Variants in FAT3 observed in about 807,000 individuals in gnomAD.
FAT3 encodes protocadherin Fat 3.
FAT3 carries 95 observed loss-of-function variants against 310.2 expected under a neutral mutation model. The ratio of observed to expected loss-of-function variants is 0.31; its 90% CI spans 0.26 to 0.36. The LOEUF is 0.36. FAT3 is among the 10% of genes least tolerant of loss of function. The pLI is 1.00. For missense variants in FAT3, 5,408 were observed against 5,715.6 expected, an observed-to-expected ratio of 0.95 and a Z score of 1.74; for synonymous variants, 2,314 against 2,192.9, an observed-to-expected ratio of 1.06 and a Z score of -1.54.
intron 3 of FAT3, among the ~76,000 whole-genome samples, chr11:92,561,011 C>G (rs1276169255): frequency 4.6e-5 from 7 of 152,148 alleles, no homozygotes; most frequent in Admixed American, 3.9e-4. Flanking sequence ...ATGTGGTACT[C>G]TCTTATATTA....
At chr11:92,391,611 T>C (rs1338270171) in intron 2 of FAT3, among the ~76,000 whole-genome samples, 1 of 152,170 alleles carries the variant, frequency 6.6e-6, no homozygotes, top group Non-Finnish European at 1.5e-5. Flanking sequence ...TGTGGGTCCT[T>C]ATTATTTGTA....
intron 1 of FAT3, among the ~76,000 whole-genome samples, chr11:92,262,809 T>G (rs1865612465): frequency 6.6e-6 from 1 of 152,086 alleles, no homozygotes; most frequent in African/African-American, 2.4e-5. Flanking sequence ...GTGTCTGAAT[T>G]TACAACACTT....
intron 2 of FAT3, among the ~76,000 whole-genome samples, chr11:92,495,634 A>G (rs1341241592): frequency 1.3e-5 from 2 of 152,022 alleles, no homozygotes; most frequent in African/African-American, 4.8e-5. Flanking sequence ...TCATTGACAC[A>G]TGGACTATCC....
intron 4 of FAT3, among the ~76,000 whole-genome samples, chr11:92,725,752 A>G (rs1176788921): frequency 6.6e-6 from 1 of 152,002 alleles, no homozygotes; most frequent in Non-Finnish European, 1.5e-5. Flanking sequence ...GAGTGTTTCT[A>G]TTTTCCTTTG....
intron 3 of FAT3, among the ~76,000 whole-genome samples, chr11:92,535,857 A>T (rs1201112649): frequency 6.6e-6 from 1 of 152,068 alleles, no homozygotes; most frequent in East Asian, 1.9e-4. Context: ...GTCACGTAGA[A>T]GTTAATATTG....
chr11:92,831,484 G>T, intron 13 of FAT3, 138 bp from the exon 14 acceptor site: 29 of 646,762 alleles, frequency 4.5e-5, no homozygotes, highest in South Asian at 1.1e-4. Flanking sequence ...TTACATTTTT[G>T]TAGAGCCACA....
chr11:92,763,712 C>T (rs1438426496), intron 5 of FAT3, among the ~76,000 whole-genome samples: 1 of 152,182 alleles, frequency 6.6e-6, no homozygotes, highest in South Asian at 2.1e-4. Flanking sequence ...TGGGATCCCT[C>T]TGGTCAGCCA....
chr11:92,867,244 G>A (rs1416992819), intron 22 of FAT3, 35 bp downstream of exon 22: 1 of 1,505,438 alleles, frequency 6.6e-7, no homozygotes, highest in Non-Finnish European at 8.9e-7. Context: ...CTGGCCTGGG[G>A]GTTTGAGGGG....
At chr11:92,665,383 G>T (rs544385629) in intron 3 of FAT3, among the ~76,000 whole-genome samples, 1 of 152,248 alleles carries the variant, frequency 6.6e-6, no homozygotes, top group African/African-American at 2.4e-5. Flanking sequence ...AGCACCAACT[G>T]TAGTCATGTT....
At chr11:92,285,422 G>T (rs571821250) in intron 1 of FAT3, among the ~76,000 whole-genome samples, 1 of 152,156 alleles carries the variant, frequency 6.6e-6, no homozygotes, top group South Asian at 2.1e-4. Context: ...CGAATATGCT[G>T]TGCAAGCTTT....
intron 13 of FAT3, among the ~76,000 whole-genome samples, chr11:92,819,321 T>C (rs1947901314): frequency 6.6e-6 from 1 of 152,164 alleles, no homozygotes; most frequent in African/African-American, 2.4e-5. Context: ...AGACTCTAGA[T>C]CAGTGGTTCT....
At chr11:92,262,078 A>T (rs976172177) in intron 1 of FAT3, among the ~76,000 whole-genome samples, 1 of 152,010 alleles carries the variant, frequency 6.6e-6, no homozygotes, top group Non-Finnish European at 1.5e-5. Context: ...ATATTAGAAG[A>T]GGCTACCATA....
At chr11:92,665,044 G>T (rs7122543) in intron 3 of FAT3, among the ~76,000 whole-genome samples, 4,983 of 152,276 alleles carry the variant, frequency 0.033, 277 homozygotes, top group African/African-American at 0.11. Flanking sequence ...GACAGTTGCA[G>T]TGCTGATCTG....
At chr11:92,629,070 G>A (rs1345194383) in intron 3 of FAT3, among the ~76,000 whole-genome samples, 2 of 152,226 alleles carry the variant, frequency 1.3e-5, no homozygotes, top group Non-Finnish European at 2.9e-5. Flanking sequence ...ACAGTGACAA[G>A]AGAAAGAAGG....
chr11:92,343,842 A>G (rs1048370178), intron 1 of FAT3, among the ~76,000 whole-genome samples: 3 of 152,186 alleles, frequency 2.0e-5, no homozygotes, highest in Non-Finnish European at 4.4e-5. Context: ...AGTCTTCAGA[A>G]TCTTGGGATT....
At position 92,883,777 on chromosome 11, in the gene FAT3, T is replaced by C. The variant is rs1232365942; in HGVS notation, c.12937+384T>C. ...TATAAATTATAATAGTGTGTGTGTG[T>C]CTGGGCCTATGTACAAAGTGCAAAA... is the stretch of plus-strand genomic sequence containing the variant. On this transcript the variant is annotated intron_variant, in intron 24 of 27. Transcript: ENST00000525166. This position sits in a 1 kb window ranked among gnomAD's most constrained non-coding sequence, Gnocchi z 4.2. Among the ~76,000 whole-genome samples, 4 of 152,202 alleles carry C rather than the reference T, an allele frequency of 2.6e-5. No homozygotes were observed. The East Asian group carries it at 5.8e-4, about 22-fold the overall frequency.
intron 19 of FAT3, among the ~76,000 whole-genome samples, chr11:92,846,089 C>T (rs912095198): frequency 6.6e-6 from 1 of 152,184 alleles, no homozygotes; most frequent in Non-Finnish European, 1.5e-5. Flanking sequence ...TTATGAATGC[C>T]AGCTGTCTGG....
chr11:92,277,803 A>C (rs1200699712), intron 1 of FAT3, among the ~76,000 whole-genome samples: 4 of 151,724 alleles, frequency 2.6e-5, no homozygotes, highest in Non-Finnish European at 4.4e-5. Flanking sequence ...TCAGAATCAC[A>C]CCATATACAT....
chr11:92,730,108 G>A (rs945191110), intron 4 of FAT3, among the ~76,000 whole-genome samples: 5 of 152,254 alleles, frequency 3.3e-5, no homozygotes, highest in African/African-American at 9.6e-5. Flanking sequence ...TTGGGAGGCC[G>A]AGGTGGGAGA....
Sources: allele counts gnomAD v4.1 joint callset (sites outside exome capture counted in the v4.1 genomes callset), GRCh38; gene constraint gnomAD v4.1.1; non-coding constraint Gnocchi (gnomAD v3.1); transcripts MANE v1.5; gene names NCBI Gene and HGNC (gene_info 2026-07-23, HGNC 2026-07-21).